CMSS1: variants seen among roughly 807,000 people sequenced by gnomAD.
CMSS1 encodes the protein cms1 ribosomal small subunit homolog.
CMSS1 carries 33 observed loss-of-function variants against 43.5 expected under a neutral mutation model. That is an observed-to-expected ratio of 0.76 (90% CI 0.57 to 1.01). CMSS1 has a LOEUF of 1.01. CMSS1 is among the 50% of genes least tolerant of loss of function. The pLI, the probability that CMSS1 is intolerant of heterozygous loss-of-function variation, is 0.00. For missense variants in CMSS1, 313 were observed against 326.4 expected, an observed-to-expected ratio of 0.96 and a Z score of 0.32; for synonymous variants, 115 against 117.2, an observed-to-expected ratio of 0.98 and a Z score of 0.12.
chr3:99,831,004 CTT>C (rs1259214914), intron 1 of CMSS1, among the ~76,000 whole-genome samples: 7 of 152,140 alleles, frequency 4.6e-5, no homozygotes. Flanking sequence ...GGCCTTCAGA[CTT>C]TTAAAAGTTT....
In CMSS1 at chr3:99,927,759, G is replaced by T. The variant is rs1576578697; in HGVS notation, c.64+109716G>T. 2.0e-5 allele frequency among the ~76,000 whole-genome samples: 3 copies of T among 151,896 alleles called. No individual in the cohort carries two copies. The South Asian group carries it at 6.3e-4, about 32-fold the overall frequency. On this transcript the variant is annotated intron_variant, in intron 1 of 9. Transcript: ENST00000421999. Reference sequence around the variant, plus strand: ...AATTAAGTTCTGATATAGAACCCTAGGCTGGAAAGGAATAGGAGGTCAAAA... The same window carrying T: ...AATTAAGTTCTGATATAGAACCCTATGCTGGAAAGGAATAGGAGGTCAAAA...
At chr3:99,928,134 G>A (rs564938762) in intron 1 of CMSS1, among the ~76,000 whole-genome samples, 1 of 152,306 alleles carries the variant, frequency 6.6e-6, no homozygotes, top group South Asian at 2.1e-4. Context: ...CATGTAATTA[G>A]GATACAGTCA....
intron 1 of CMSS1, among the ~76,000 whole-genome samples, chr3:99,986,843 CAA>C (rs1559715175): frequency 6.6e-6 from 1 of 152,236 alleles, no homozygotes. Context: ...CCCTCCACAG[CAA>C]AGAGTTATTC....
At chr3:100,115,943 T>C (rs915099515) in intron 1 of CMSS1, among the ~76,000 whole-genome samples, 2 of 152,212 alleles carry the variant, frequency 1.3e-5, no homozygotes, top group African/African-American at 4.8e-5. Context: ...GTAATCTTCC[T>C]TTTTTATATG....
intron 1 of CMSS1, among the ~76,000 whole-genome samples, chr3:100,131,011 C>A (rs2066702009): frequency 6.6e-6 from 1 of 152,148 alleles, no homozygotes; most frequent in African/African-American, 2.4e-5. Context: ...AACATCAGTA[C>A]CAAATGCCCC....
intron 1 of CMSS1, among the ~76,000 whole-genome samples, chr3:99,842,149 G>A (rs1415426968): frequency 3.9e-5 from 6 of 152,064 alleles, no homozygotes; most frequent in South Asian, 4.2e-4. Context: ...AATACTACTC[G>A]GCCATGAAAA....
At chr3:99,920,710 G>A (rs1358442776) in intron 1 of CMSS1, among the ~76,000 whole-genome samples, 1 of 152,094 alleles carries the variant, frequency 6.6e-6, no homozygotes, top group East Asian at 1.9e-4. Context: ...TTACGACAGC[G>A]ACATCACTTG....
chr3:100,020,760 C>CTTTTTTTTTTTTTTTTTTTTTTTTTTT (rs34665880), intron 1 of CMSS1, among the ~76,000 whole-genome samples: 4 of 70,994 alleles, frequency 5.6e-5, no homozygotes, highest in Non-Finnish European at 9.7e-5. Context: ...GAATAATTAG[C>CTTTTTTTTTTTTTTTTTTTTTTTTTTT]TTTTTTTTTT....
At chr3:100,061,480 C>T (rs954632243) in intron 1 of CMSS1, among the ~76,000 whole-genome samples, 4 of 152,214 alleles carry the variant, frequency 2.6e-5, no homozygotes, top group Non-Finnish European at 5.9e-5. Context: ...TCTCCTCCTA[C>T]CCACATTTTC....
At chr3:100,166,759 A>G (rs1269140628) in intron 5 of CMSS1, among the ~76,000 whole-genome samples, 1 of 152,076 alleles carries the variant, frequency 6.6e-6, no homozygotes, top group Non-Finnish European at 1.5e-5. Flanking sequence ...CTGGAGAGGG[A>G]CAGGGTCTCA....
At chr3:100,069,884 T>C (rs919169458) in intron 1 of CMSS1, among the ~76,000 whole-genome samples, 1 of 152,194 alleles carries the variant, frequency 6.6e-6, no homozygotes, top group African/African-American at 2.4e-5. Context: ...GGACTCACAC[T>C]ATCCAGTTCA....
intron 1 of CMSS1, chr3:99,924,166 A>G: frequency 1.5e-6 from 2 of 1,343,936 alleles, no homozygotes; most frequent in Non-Finnish European, 2.1e-6. Context: ...TATCCCTGAG[A>G]CCTGGTACAG....
chr3:100,027,639 C>G (rs570188309), intron 1 of CMSS1, among the ~76,000 whole-genome samples: 2 of 152,260 alleles, frequency 1.3e-5, no homozygotes, highest in South Asian at 4.1e-4. Context: ...CATTGTTTTT[C>G]CCAAGGTATT....
In CMSS1 at chr3:99,818,038, G is replaced by T. The variant is rs560450393; in HGVS notation, c.59G>T (p.Ser20Ile). ...AACCAGCCGACTGGAGCAGGCAGCA[G>T]CCCAGGTACCCACTCTGTGCCCGCG... is the stretch of plus-strand genomic sequence containing the variant. Reference protein sequence around the residue: ...WENQPTGAGSSPEASDGEGEG... With the variant: ...WENQPTGAGSIPEASDGEGEG... Residue 20 changes from serine to isoleucine, a missense_variant, in exon 1 of 10, where the codon AGC becomes ATC. By Grantham distance (142) the Ser-to-Ile change is moderately radical. Coordinates refer to ENST00000421999, the MANE Select transcript of CMSS1 (RefSeq NM_032359.4). 1 of 1,613,598 alleles carries T rather than the reference G, an allele frequency of 6.2e-7. No individual in the cohort carries two copies. Among genetic ancestry groups the T allele is most frequent in the Non-Finnish European group, 8.5e-7 (1 of 1,179,926 alleles).
intron 1 of CMSS1, among the ~76,000 whole-genome samples, chr3:100,038,290 G>C (rs996504318): frequency 2.6e-5 from 4 of 151,948 alleles, no homozygotes; most frequent in Admixed American, 6.6e-5. Flanking sequence ...AACTCTTACA[G>C]AAATAATAAG....
At chr3:100,162,255 G>C in intron 3 of CMSS1, 48 bp from the exon 4 acceptor site, 1 of 1,571,564 alleles carries the variant, frequency 6.4e-7, no homozygotes, top group Non-Finnish European at 8.7e-7. Context: ...CCAACCAAAT[G>C]CCATTTTAAA....
At chr3:99,953,873 T>G (rs1708247272) in intron 1 of CMSS1, among the ~76,000 whole-genome samples, 1 of 152,250 alleles carries the variant, frequency 6.6e-6, no homozygotes, top group South Asian at 2.1e-4. Flanking sequence ...CTGCCCATGC[T>G]GGAGGCAGAA....
chr3:100,174,681 A>G (rs548889893), intron 8 of CMSS1, among the ~76,000 whole-genome samples: 4 of 152,342 alleles, frequency 2.6e-5, no homozygotes, highest in South Asian at 4.1e-4. Context: ...AGTGACACCA[A>G]TAGCATATAT....
intron 1 of CMSS1, among the ~76,000 whole-genome samples, chr3:99,842,939 G>C (rs565641931): frequency 1.3e-5 from 2 of 152,314 alleles, no homozygotes; most frequent in South Asian, 4.1e-4. Flanking sequence ...GCCTTTGGGG[G>C]ATGGCTGCTC....
Sources: gnomAD v4.1 joint callset for allele counts (sites outside exome capture counted in the v4.1 genomes callset) on GRCh38, gnomAD v4.1.1 for gene constraint, MANE v1.5 for transcripts, NCBI Gene and HGNC (gene_info 2026-07-23, HGNC 2026-07-21) for gene names.